Variants in HHAT observed in about 807,000 individuals in gnomAD.
The protein encoded by HHAT is hedgehog acyltransferase.
A neutral mutation model predicts 70.8 loss-of-function variants in HHAT; 47 were observed. That is an observed-to-expected ratio of 0.66 (90% CI 0.53 to 0.85). The LOEUF is 0.85. HHAT is among the 40% of genes least tolerant of loss of function. The pLI is 0.00. For synonymous variants in HHAT, 228 were observed against 247.6 expected (o/e 0.92, Z 0.74); for missense variants, 609 against 604.8 (o/e 1.01, Z -0.07).
chr1:210,589,737 A>G (rs1257497699), intron 10 of HHAT: 1 of 152,340 alleles, frequency 6.6e-6, no homozygotes, highest in Admixed American at 6.5e-5. Context: ...TGACCTGTTC[A>G]TTTTGGTTCA....
Position 210,674,344 on chromosome 1 carries a change from G to A in HHAT, c.1447G>A (p.Gly483Ser). 1 of 1,614,140 alleles carries A rather than the reference G, an allele frequency of 6.2e-7. No individual in the cohort carries two copies. Among genetic ancestry groups the A allele is most frequent in the Non-Finnish European group, 8.5e-7 (1 of 1,180,030 alleles). ...LGFLYCYSHV[G>S]IAWAQTYATD Reference sequence around the variant, plus strand: ...ATTCCTGTACTGCTACTCCCACGTGGGCATTGCCTGGGCCCAGACCTACGC... The same window carrying A: ...ATTCCTGTACTGCTACTCCCACGTGAGCATTGCCTGGGCCCAGACCTACGC... Residue 483 changes from glycine (G) to serine (S), a missense_variant, in exon 12 of 12, where the codon GGC becomes AGC. By Grantham distance (56) the Gly-to-Ser change is moderately conservative. Transcript: ENST00000261458.
intron 7 of HHAT, among the ~76,000 whole-genome samples, chr1:210,463,615 A>G (rs1243698605): frequency 6.6e-6 from 1 of 152,130 alleles, no homozygotes; most frequent in Non-Finnish European, 1.5e-5. Context: ...TCGGGGTACA[A>G]GTTTTTGTGT....
chr1:210,673,727 G>T (rs1680570423), intron 11 of HHAT, among the ~76,000 whole-genome samples: 1 of 150,998 alleles, frequency 6.6e-6, no homozygotes. Context: ...AAGTAGCTAG[G>T]ACTACAGAAA....
chr1:210,515,753 G>A (rs1173184160), intron 9 of HHAT, among the ~76,000 whole-genome samples: 23 of 86,476 alleles, frequency 2.7e-4, no homozygotes, highest in South Asian at 4.9e-4. Context: ...GCGAGACTCC[G>A]TCTCAAAAAA....
At chr1:210,464,375 G>A in intron 7 of HHAT, 130 bp from the exon 8 acceptor site, 3 of 841,240 alleles carry the variant, frequency 3.6e-6, no homozygotes, top group Non-Finnish European at 5.8e-6. Context: ...TTTGTGAAAT[G>A]TGCGAGTTGA....
Position 210,633,931 on chromosome 1 carries a change from G to T in HHAT, c.1390+10261G>T, listed in dbSNP as rs1051017961. Among the ~76,000 whole-genome samples, 3 of 152,136 alleles carry T rather than the reference G, an allele frequency of 2.0e-5. No individual in the cohort carries two copies. The East Asian group carries it at 5.8e-4, about 29-fold the overall frequency. On this transcript the variant is annotated intron_variant, in intron 11 of 11. Transcript: ENST00000261458. ...CTCTTGCCCAGAGAAGGAGGCAGCT[G>T]CTAATTTTAGCCCTACTTAGGTCTC...
chr1:210,553,547 C>T (rs969281052), intron 9 of HHAT, among the ~76,000 whole-genome samples: 1 of 152,218 alleles, frequency 6.6e-6, no homozygotes, highest in Non-Finnish European at 1.5e-5. Context: ...AGTTACAGTT[C>T]ACCTAACAAT....
At chr1:210,456,136 G>C (rs2093862138) in intron 7 of HHAT, among the ~76,000 whole-genome samples, 1 of 152,172 alleles carries the variant, frequency 6.6e-6, no homozygotes, top group South Asian at 2.1e-4. Flanking sequence ...GTATTGTTTT[G>C]TGCCTTCACG....
At chr1:210,659,011 C>G (rs1350887489) in intron 11 of HHAT, among the ~76,000 whole-genome samples, 1 of 152,168 alleles carries the variant, frequency 6.6e-6, no homozygotes, top group Non-Finnish European at 1.5e-5. Flanking sequence ...GACATCCTAA[C>G]ATCACAATTA....
At chr1:210,340,242 GAAAAAAAAAAA>G (rs57007952) in intron 1 of HHAT, among the ~76,000 whole-genome samples, 1 of 99,784 alleles carries the variant, frequency 1.0e-5, no homozygotes, top group Non-Finnish European at 2.1e-5. Context: ...CTCTGTCTCA[GAAAAAAAAAAA>G]AAAAAAAAAA....
intron 11 of HHAT, among the ~76,000 whole-genome samples, chr1:210,629,998 A>G (rs1670564729): frequency 6.6e-6 from 1 of 151,948 alleles, no homozygotes; most frequent in East Asian, 1.9e-4. Context: ...GTGCACCACC[A>G]CACCCGGCTA....
At chr1:210,612,769 C>T (rs1459876952) in intron 10 of HHAT, among the ~76,000 whole-genome samples, 1 of 152,154 alleles carries the variant, frequency 6.6e-6, no homozygotes, top group East Asian at 1.9e-4. Context: ...ACCAGCAATA[C>T]GTAGGGCTTA....
At chr1:210,348,677 T>G (rs1215938546) in intron 1 of HHAT, among the ~76,000 whole-genome samples, 1 of 151,648 alleles carries the variant, frequency 6.6e-6, no homozygotes, top group Admixed American at 6.6e-5. Flanking sequence ...CTGTGGGAAC[T>G]CCTAGGAAAA....
chr1:210,359,484 C>G (rs2088012661), intron 2 of HHAT, among the ~76,000 whole-genome samples: 1 of 152,128 alleles, frequency 6.6e-6, no homozygotes, highest in African/African-American at 2.4e-5. Flanking sequence ...TGGTGCCACC[C>G]AGATCGATGA....
intron 5 of HHAT, among the ~76,000 whole-genome samples, chr1:210,404,055 A>T (rs2092214182): frequency 6.6e-6 from 1 of 152,134 alleles, no homozygotes; most frequent in African/African-American, 2.4e-5. Flanking sequence ...CAGAAATCCC[A>T]TGGGACATTT....
At chr1:210,342,262 G>A (rs2086106325) in intron 1 of HHAT, among the ~76,000 whole-genome samples, 2 of 152,112 alleles carry the variant, frequency 1.3e-5, no homozygotes, top group Non-Finnish European at 2.9e-5. Context: ...TTATGTACTG[G>A]CTTGCAAGCC....
intron 7 of HHAT, among the ~76,000 whole-genome samples, chr1:210,460,433 C>A (rs2093955352): frequency 6.6e-6 from 1 of 152,166 alleles, no homozygotes; most frequent in African/African-American, 2.4e-5. Context: ...GCACCTAGAA[C>A]CATGCTTGGC....
chr1:210,601,528 G>A (rs1334784058), intron 10 of HHAT, among the ~76,000 whole-genome samples: 2 of 152,070 alleles, frequency 1.3e-5, no homozygotes, highest in Non-Finnish European at 2.9e-5. Context: ...TTTCTCGACA[G>A]AGCCCACTTA....
chr1:210,486,134 C>T (rs141873855), intron 8 of HHAT, among the ~76,000 whole-genome samples: 259 of 152,276 alleles, frequency 1.7e-3, no homozygotes, highest in Middle Eastern at 0.014. Context: ...GCAAAATGGG[C>T]ACTTTTCATG....
Sources: allele counts gnomAD v4.1 joint callset (sites outside exome capture counted in the v4.1 genomes callset), GRCh38; gene constraint gnomAD v4.1.1; transcripts MANE v1.5; gene names NCBI Gene and HGNC (gene_info 2026-07-23, HGNC 2026-07-21).